The following BCL2 variants were observed in gnomAD, a reference collection of about 807,000 sequenced individuals.
BCL2 encodes the protein apoptosis regulator Bcl-2.
In BCL2, 1 loss-of-function variant was observed where a neutral mutation model predicts 14.2. The ratio of observed to expected loss-of-function variants is 0.07; its 90% CI spans 0.02 to 0.33. The LOEUF is 0.33. BCL2 is among the 10% of genes least tolerant of loss of function. The probability of loss-of-function intolerance (pLI) is 0.99; values close to 1 mark genes in which losing one functional copy is unlikely to be tolerated. For missense variants in BCL2, 247 were observed against 305.9 expected, an observed-to-expected ratio of 0.81 and a Z score of 1.44; for synonymous variants, 151 against 137.2, an observed-to-expected ratio of 1.10 and a Z score of -0.70.
intron 2 of BCL2, among the ~76,000 whole-genome samples, chr18:63,216,359 A>G (rs1264302881): frequency 6.6e-6 from 1 of 151,546 alleles, no homozygotes; most frequent in Non-Finnish European, 1.5e-5. Flanking sequence ...AAGAAGAAAC[A>G]GCGAACACTG....
At chr18:63,135,687 T>C (rs1914189583) in intron 2 of BCL2, among the ~76,000 whole-genome samples, 1 of 152,208 alleles carries the variant, frequency 6.6e-6, no homozygotes, top group African/African-American at 2.4e-5. Flanking sequence ...TTCAGGAACC[T>C]TCCTCCGTCA....
intron 2 of BCL2, among the ~76,000 whole-genome samples, chr18:63,272,484 C>G (rs1406962175): frequency 1.3e-5 from 2 of 152,118 alleles, no homozygotes; most frequent in Non-Finnish European, 2.9e-5. Flanking sequence ...GGGTAAACAT[C>G]CGAGACAATT....
intron 2 of BCL2, among the ~76,000 whole-genome samples, chr18:63,167,358 T>C (rs1915070021): frequency 6.6e-6 from 1 of 152,206 alleles, no homozygotes; most frequent in South Asian, 2.1e-4. Flanking sequence ...TTTAAATACA[T>C]AACTTTTCTC....
intron 2 of BCL2, among the ~76,000 whole-genome samples, chr18:63,297,128 G>GC (rs556215065): frequency 2.0e-5 from 3 of 152,164 alleles, no homozygotes; most frequent in Admixed American, 6.5e-5. Context: ...CAGGAGAATG[G>GC]CATGAACCCT....
chr18:63,229,003 C>A (rs1568240535), intron 2 of BCL2, among the ~76,000 whole-genome samples: 2 of 152,252 alleles, frequency 1.3e-5, no homozygotes, highest in African/African-American at 4.8e-5. Flanking sequence ...AGCCACCACG[C>A]CCGGCCTACA....
chr18:63,291,435 T>C (rs1912642802), intron 2 of BCL2, among the ~76,000 whole-genome samples: 1 of 152,232 alleles, frequency 6.6e-6, no homozygotes, highest in South Asian at 2.1e-4. Context: ...CGTGACCTAG[T>C]TGGACAGCTA....
At chr18:63,165,701 A>G (rs1915027219) in intron 2 of BCL2, among the ~76,000 whole-genome samples, 2 of 152,194 alleles carry the variant, frequency 1.3e-5, no homozygotes, top group South Asian at 2.1e-4. Context: ...AACATTTACA[A>G]AGGGATGCAA....
At chr18:63,145,880 A>T (rs1914497707) in intron 2 of BCL2, among the ~76,000 whole-genome samples, 1 of 152,136 alleles carries the variant, frequency 6.6e-6, no homozygotes, top group South Asian at 2.1e-4. Flanking sequence ...GATGCCCAAG[A>T]CCCTGCTCTG....
chr18:63,297,745 C>T (rs1333461558), intron 2 of BCL2, among the ~76,000 whole-genome samples: 4 of 152,216 alleles, frequency 2.6e-5, no homozygotes, highest in African/African-American at 2.4e-5. Context: ...AGTCTTGGCT[C>T]GCAGACTGCC....
At chr18:63,214,324 G>A (rs1910138743) in intron 2 of BCL2, among the ~76,000 whole-genome samples, 1 of 152,206 alleles carries the variant, frequency 6.6e-6, no homozygotes, top group African/African-American at 2.4e-5. Context: ...GGGGAGGTGA[G>A]ACAAACGTCC....
intron 2 of BCL2, among the ~76,000 whole-genome samples, chr18:63,270,352 T>TA (rs1911971044): frequency 6.6e-6 from 1 of 152,182 alleles, no homozygotes; most frequent in South Asian, 2.1e-4. Context: ...AGTCAGGAAG[T>TA]AGTTAATAAG....
At chr18:63,296,912 T>C (rs149667179) in intron 2 of BCL2, among the ~76,000 whole-genome samples, 2 of 152,290 alleles carry the variant, frequency 1.3e-5, no homozygotes, top group Admixed American at 6.5e-5. Context: ...TGCTGTCCAA[T>C]AGAAATATAA....
At chr18:63,283,587 G>C (rs78069197) in intron 2 of BCL2, among the ~76,000 whole-genome samples, 1 of 152,144 alleles carries the variant, frequency 6.6e-6, no homozygotes, top group Admixed American at 6.6e-5. Context: ...AATAATCACT[G>C]AACAAAATCA....
chr18:63,255,533 G>C (rs1911446357), intron 2 of BCL2, among the ~76,000 whole-genome samples: 1 of 152,194 alleles, frequency 6.6e-6, no homozygotes, highest in Non-Finnish European at 1.5e-5. Flanking sequence ...TCTTAAAGTT[G>C]AGAGTATGGA....
At chr18:63,297,742 G>A (rs778974511) in intron 2 of BCL2, among the ~76,000 whole-genome samples, 1 of 152,184 alleles carries the variant, frequency 6.6e-6, no homozygotes, top group Non-Finnish European at 1.5e-5. Context: ...AGAAGTCTTG[G>A]CTCGCAGACT....
chr18:63,291,558 A>T (rs1405873573), intron 2 of BCL2, among the ~76,000 whole-genome samples: 2 of 152,204 alleles, frequency 1.3e-5, no homozygotes, highest in Non-Finnish European at 2.9e-5. Flanking sequence ...AGGAAGTTAA[A>T]TACAAGAGTT....
chr18:63,257,278 TA>T (rs1911507224), intron 2 of BCL2, among the ~76,000 whole-genome samples: 1 of 152,328 alleles, frequency 6.6e-6, no homozygotes, highest in East Asian at 1.9e-4. Context: ...CAAACATTTA[TA>T]AGACACAAAG....
chr18:63,165,806 T>C (rs920485096), intron 2 of BCL2, among the ~76,000 whole-genome samples: 3 of 151,850 alleles, frequency 2.0e-5, no homozygotes, highest in Non-Finnish European at 4.4e-5. Context: ...GGGAGGGGGG[T>C]GGAATCTAAG....
chr18:63,207,610 T>TTCCAGACTGC (rs1364236386), intron 2 of BCL2: 7 of 148,114 alleles, frequency 4.7e-5, no homozygotes, highest in South Asian at 2.2e-4. Flanking sequence ...GCACCAGAGG[T>TTCCAGACTGC]CTGGGTGGGG....
Sources: gnomAD v4.1 joint callset for allele counts (sites outside exome capture counted in the v4.1 genomes callset) on GRCh38, gnomAD v4.1.1 for gene constraint, MANE v1.5 for transcripts, NCBI Gene and HGNC (gene_info 2026-07-23, HGNC 2026-07-21) for gene names.